The following ENOX1 variants were observed in gnomAD, a reference collection of about 807,000 sequenced individuals.
ENOX1 encodes ecto-NOX disulfide-thiol exchanger 1.
Under a neutral mutation model 82.5 loss-of-function variants are expected in ENOX1, and 42 were observed. The ratio of observed to expected loss-of-function variants is 0.51; its 90% CI spans 0.40 to 0.66. ENOX1 has a LOEUF of 0.66. Among genes scored for constraint, ENOX1 ranks in the 30% least tolerant of loss-of-function variants. The pLI, the probability that ENOX1 is intolerant of heterozygous loss-of-function variation, is 0.00. For synonymous variants in ENOX1, 271 were observed against 282.2 expected (o/e 0.96, Z 0.40); for missense variants, 608 against 811.6 (o/e 0.75, Z 3.05).
chr13:43,426,073 G>A (rs2055283261), intron 3 of ENOX1, among the ~76,000 whole-genome samples: 1 of 152,204 alleles, frequency 6.6e-6, no homozygotes, highest in South Asian at 2.1e-4. Context: ...GGTTTTAAAT[G>A]GTTGTGTTCT....
intron 2 of ENOX1, among the ~76,000 whole-genome samples, chr13:43,567,734 G>A (rs919419073): frequency 1.4e-4 from 21 of 152,182 alleles, no homozygotes; most frequent in African/African-American, 4.6e-4. Flanking sequence ...CTGCAAGGAA[G>A]AGAAACAGAA....
chr13:43,577,623 T>C (rs926528393), intron 2 of ENOX1, among the ~76,000 whole-genome samples: 3 of 152,154 alleles, frequency 2.0e-5, no homozygotes, highest in Admixed American at 1.3e-4. Context: ...CACTAACCCA[T>C]TCATGAGAAT....
At chr13:43,282,747 T>C (rs977566986) in intron 12 of ENOX1, among the ~76,000 whole-genome samples, 2 of 151,992 alleles carry the variant, frequency 1.3e-5, no homozygotes, top group Non-Finnish European at 2.9e-5. Flanking sequence ...TCTTAAATGT[T>C]TGGTAGAACT....
At chr13:43,731,412 T>A (rs2089335845) in intron 1 of ENOX1, among the ~76,000 whole-genome samples, 1 of 152,192 alleles carries the variant, frequency 6.6e-6, no homozygotes, top group Admixed American at 6.5e-5. Context: ...ATAATATTTT[T>A]AAAAGTTCCT....
intron 12 of ENOX1, among the ~76,000 whole-genome samples, chr13:43,290,629 T>G (rs1418404095): frequency 6.6e-6 from 1 of 152,200 alleles, no homozygotes; most frequent in Non-Finnish European, 1.5e-5. Context: ...GCACGGCTGC[T>G]GGATACTATG....
chr13:43,250,832 A>G (rs1443972068), intron 14 of ENOX1, among the ~76,000 whole-genome samples: 1 of 152,242 alleles, frequency 6.6e-6, no homozygotes, highest in Non-Finnish European at 1.5e-5. Context: ...TAAGCCATAT[A>G]AAATATATTA....
chr13:43,560,924 C>T (rs544270333), intron 2 of ENOX1, among the ~76,000 whole-genome samples: 1 of 152,040 alleles, frequency 6.6e-6, no homozygotes, highest in Non-Finnish European at 1.5e-5. Flanking sequence ...TTCTTAATCT[C>T]AGTTGGAATC....
intron 2 of ENOX1, among the ~76,000 whole-genome samples, chr13:43,624,247 T>A (rs916903610): frequency 6.6e-6 from 1 of 152,196 alleles, no homozygotes; most frequent in Non-Finnish European, 1.5e-5. Context: ...TTTCTTTGTG[T>A]CTTTTTCCTA....
At chr13:43,488,197 T>A (rs1307409366) in intron 2 of ENOX1, among the ~76,000 whole-genome samples, 1 of 152,204 alleles carries the variant, frequency 6.6e-6, no homozygotes, top group Non-Finnish European at 1.5e-5. Flanking sequence ...AATGTGATAG[T>A]GTGAAGAGGT....
intron 1 of ENOX1, among the ~76,000 whole-genome samples, chr13:43,781,025 T>C (rs1952228215): frequency 6.6e-6 from 1 of 152,258 alleles, no homozygotes; most frequent in African/African-American, 2.4e-5. Context: ...TATGCTGCTG[T>C]GGGCTATTAA....
chr13:43,728,624 T>C (rs1212019126), intron 1 of ENOX1, among the ~76,000 whole-genome samples: 3 of 152,138 alleles, frequency 2.0e-5, no homozygotes, highest in Non-Finnish European at 4.4e-5. Flanking sequence ...ATAAATTCAC[T>C]TGGGAACTGC....
intron 1 of ENOX1, among the ~76,000 whole-genome samples, chr13:43,697,172 A>C (rs1035676591): frequency 5.3e-5 from 8 of 152,140 alleles, no homozygotes; most frequent in Non-Finnish European, 1.2e-4. Flanking sequence ...AAATGAGTTC[A>C]ATTTTAGACA....
chr13:43,496,926 G>T (rs9594959), intron 2 of ENOX1, among the ~76,000 whole-genome samples: 33,405 of 151,848 alleles, frequency 0.22, 4,005 homozygotes, highest in Middle Eastern at 0.29. Context: ...TTATAATTCT[G>T]TATAAATTTT....
chr13:43,485,375 T>C (rs1331970830), intron 2 of ENOX1, among the ~76,000 whole-genome samples: 2 of 152,220 alleles, frequency 1.3e-5, no homozygotes, highest in Non-Finnish European at 2.9e-5. Context: ...TTGTCTGTCC[T>C]GAACCTTTTA....
intron 1 of ENOX1, among the ~76,000 whole-genome samples, chr13:43,692,635 T>C (rs1459342062): frequency 6.6e-6 from 1 of 152,054 alleles, no homozygotes; most frequent in African/African-American, 2.4e-5. Flanking sequence ...AACCTCCTAT[T>C]AGAAAAAGCA....
chr13:43,277,600 C>A (rs1283678611), intron 12 of ENOX1, among the ~76,000 whole-genome samples: 1 of 152,208 alleles, frequency 6.6e-6, no homozygotes, highest in Non-Finnish European at 1.5e-5. Flanking sequence ...CCGAGTAAGG[C>A]ATGAGCTGAA....
chr13:43,428,226 T>C (rs1055156583), intron 3 of ENOX1, among the ~76,000 whole-genome samples: 3 of 152,160 alleles, frequency 2.0e-5, no homozygotes, highest in South Asian at 2.1e-4. Context: ...ACATTTTTCT[T>C]AAATAAGTCA....
chr13:43,360,188 C>T, intron 6 of ENOX1, 131 bp from the exon 7 acceptor site: 1 of 719,126 alleles, frequency 1.4e-6, no homozygotes, highest in Non-Finnish European at 2.3e-6. Flanking sequence ...GCCAACTTAA[C>T]ATTGATCCCA....
At chr13:43,382,534 A>C (rs1415655348) in intron 5 of ENOX1, among the ~76,000 whole-genome samples, 1 of 152,194 alleles carries the variant, frequency 6.6e-6, no homozygotes, top group Non-Finnish European at 1.5e-5. Context: ...AGTACATTCT[A>C]TAGGTTTCAT....
Sources: gnomAD v4.1 joint callset for allele counts (sites outside exome capture counted in the v4.1 genomes callset) on GRCh38, gnomAD v4.1.1 for gene constraint, MANE v1.5 for transcripts, NCBI Gene and HGNC (gene_info 2026-07-23, HGNC 2026-07-21) for gene names.